Variants in N4BP1 observed in about 807,000 individuals in gnomAD.
N4BP1 encodes the protein NEDD4-binding protein 1.
N4BP1 carries 21 observed loss-of-function variants against 70.9 expected under a neutral mutation model. The observed-to-expected ratio is 0.30, with a 90% CI of 0.21 to 0.43. The LOEUF (loss-of-function observed/expected upper bound fraction) is 0.43, where lower values mean the gene tolerates loss of function less well. N4BP1 is among the 20% of genes least tolerant of loss of function. The probability of loss-of-function intolerance (pLI) is 1.00; values close to 1 mark genes in which losing one functional copy is unlikely to be tolerated. For synonymous variants in N4BP1, 387 were observed against 394.6 expected, an observed-to-expected ratio of 0.98 and a Z score of 0.23; for missense variants, 936 against 1,069.4, an observed-to-expected ratio of 0.88 and a Z score of 1.74.
chr16:48,589,055 T>TA (rs775436882), intron 1 of N4BP1, among the ~76,000 whole-genome samples: 43 of 152,222 alleles, frequency 2.8e-4, no homozygotes, highest in Non-Finnish European at 5.3e-4. Flanking sequence ...AATTACATTA[T>TA]AACTTGTAGA....
chr16:48,590,843 T>C (rs900899559), intron 1 of N4BP1, among the ~76,000 whole-genome samples: 1 of 152,186 alleles, frequency 6.6e-6, no homozygotes, highest in Non-Finnish European at 1.5e-5. Context: ...TCTGTCTTGG[T>C]TCGGCTCCTT....
At chr16:48,600,257 TA>T in intron 1 of N4BP1, 1 of 1,007,992 alleles carries the variant, frequency 9.9e-7, no homozygotes, top group Non-Finnish European at 1.5e-6. Flanking sequence ...TCAGATTTTG[TA>T]AATCTAAATG....
intron 4 of N4BP1, 88 bp downstream of exon 4, chr16:48,551,298 T>G: frequency 4.5e-6 from 4 of 884,790 alleles, no homozygotes; most frequent in Non-Finnish European, 7.4e-6. Flanking sequence ...AAGCAGGTCC[T>G]CTAAAAGTGT....
chr16:48,605,187 C>T (rs550318655), intron 1 of N4BP1, among the ~76,000 whole-genome samples: 1 of 152,208 alleles, frequency 6.6e-6, no homozygotes, highest in South Asian at 2.1e-4. Flanking sequence ...CATGCGCCAC[C>T]CCACCTGGCT....
intron 1 of N4BP1, among the ~76,000 whole-genome samples, chr16:48,572,724 A>C (rs968059518): frequency 7.2e-5 from 11 of 152,238 alleles, no homozygotes; most frequent in South Asian, 2.1e-4. Context: ...AGAGGATTTT[A>C]GAGTTGTTCT....
chr16:48,598,048 C>A (rs547744817), intron 1 of N4BP1, among the ~76,000 whole-genome samples: 7 of 152,284 alleles, frequency 4.6e-5, no homozygotes, highest in African/African-American at 1.7e-4. Flanking sequence ...CTACCCAACT[C>A]CCTCTATAAA....
chr16:48,581,835 T>G (rs748658518), intron 1 of N4BP1, among the ~76,000 whole-genome samples: 3 of 152,042 alleles, frequency 2.0e-5, no homozygotes, highest in Non-Finnish European at 2.9e-5. Context: ...AGGTTAAGAC[T>G]CCAAACTATG....
chr16:48,573,659 G>A (rs972972002), intron 1 of N4BP1, among the ~76,000 whole-genome samples: 4 of 151,960 alleles, frequency 2.6e-5, no homozygotes, highest in African/African-American at 9.7e-5. Context: ...ATACAGATAA[G>A]GGGTACCGAC....
chr16:48,598,973 T>C (rs894277139), intron 1 of N4BP1, among the ~76,000 whole-genome samples: 8 of 152,150 alleles, frequency 5.3e-5, no homozygotes, highest in Admixed American at 2.6e-4. Flanking sequence ...TTTACTTGAA[T>C]GTTTTATGGA....
At chr16:48,605,238 G>T (rs987483784) in intron 1 of N4BP1, among the ~76,000 whole-genome samples, 3 of 152,050 alleles carry the variant, frequency 2.0e-5, no homozygotes, top group African/African-American at 4.8e-5. Flanking sequence ...CTCCATGTTG[G>T]TGGGCTGGTC....
At chr16:48,585,139 G>A (rs1398701276) in intron 1 of N4BP1, among the ~76,000 whole-genome samples, 1 of 151,904 alleles carries the variant, frequency 6.6e-6, no homozygotes, top group African/African-American at 2.4e-5. Flanking sequence ...TCACCATGTT[G>A]GTCAGGCTGG....
chr16:48,594,019 C>CA lies in N4BP1; in HGVS notation c.198+15755dup, dbSNP rs77597704. On this transcript the variant is annotated intron_variant, in intron 1 of 6. Transcript: ENST00000262384. ...TCCGTCTCAAAAAAAAAAAAAAAAA[C>CA]AAAAAAAAAACCACCTAGCTTTAGC... Among the ~76,000 whole-genome samples, 720 of 95,080 alleles carry CA rather than the reference C, an allele frequency of 7.6e-3. 16 individuals are homozygous for CA. Among genetic ancestry groups the CA allele is most frequent in the African/African-American group, 0.03 (603 of 20,384 alleles). 62.4% of individuals were successfully genotyped at this position (95,080 alleles called of 152,430 possible).
chr16:48,610,050 G>A lies in N4BP1; in HGVS notation c.-78C>T, dbSNP rs1964661488. The A allele has an allele frequency of 2.3e-6, 2 of 880,218 alleles. No individual in the cohort carries two copies. The highest frequency in any genetic ancestry group is 1.0e-4 in the South Asian group (2 of 19,548). 54.5% of individuals were successfully genotyped at this position (880,218 alleles called of 1,614,324 possible). The stretch of plus-strand genomic sequence containing the variant: ...CTCAGCTTGCTGCCGCTGCTCCCAA[G>A]CCAGTCAGGCGGCGTCGGCCCTTCC... On this transcript the variant is annotated 5_prime_UTR_variant, in exon 1 of 7. Coordinates refer to ENST00000262384, the MANE Select transcript of N4BP1 (RefSeq NM_153029.4).
chr16:48,555,581 G>A (rs2151087651), intron 2 of N4BP1, among the ~76,000 whole-genome samples: 1 of 152,312 alleles, frequency 6.6e-6, no homozygotes, highest in East Asian at 1.9e-4. Flanking sequence ...TAATTCAGGA[G>A]TGCTTTGTTT....
At chr16:48,553,123 G>A (rs1413308485) in intron 3 of N4BP1, among the ~76,000 whole-genome samples, 1 of 152,160 alleles carries the variant, frequency 6.6e-6, no homozygotes, top group African/African-American at 2.4e-5. Context: ...GTCAGCCAGA[G>A]TACTTTATGG....
At position 48,561,136 on chromosome 16, in the gene N4BP1, C is replaced by T. The variant is rs1233857378; in HGVS notation, c.1507G>A (p.Glu503Lys). Residue 503 changes from glutamate to lysine, a missense_variant, in exon 2 of 7, where the codon GAA (glutamate) becomes AAA (lysine). Coordinates refer to ENST00000262384, the MANE Select transcript of N4BP1 (RefSeq NM_153029.4). ...SPSVASPSPKEVNFVSRGASS... is the reference protein window; with the variant it reads ...SPSVASPSPKKVNFVSRGASS... ...GCTCCCCTTGAAACAAAATTGACTTCTTTGGGACTTGGAGAGGCAACAGAA... is the reference window on the plus strand; with the variant it reads ...GCTCCCCTTGAAACAAAATTGACTTTTTTGGGACTTGGAGAGGCAACAGAA... 3 of 1,613,974 alleles carry T rather than the reference C, an allele frequency of 1.9e-6. No homozygotes were observed. The South Asian group carries it at 3.3e-5, about 18-fold the overall frequency.
rs76160650 is a variant in N4BP1, at chr16:48,576,900, T to G, written c.199-14456A>C. On this transcript the variant is annotated intron_variant, in intron 1 of 6. Transcript: ENST00000262384. ...ACTACCCCATTTCTGTCCTTTCATCTTCACACTTTTATTTTAGAGACAGGG... is the reference window on the plus strand; with the variant it reads ...ACTACCCCATTTCTGTCCTTTCATCGTCACACTTTTATTTTAGAGACAGGG... 7.9e-3 allele frequency among the ~76,000 whole-genome samples: 1,209 copies of G among 152,278 alleles called. 8 individuals carry two copies. The highest frequency in any genetic ancestry group is 0.013 in the Non-Finnish European group (908 of 68,016).
rs1431891102 is a variant in N4BP1, at chr16:48,610,101, C to T, written c.-129G>A. The T allele has an allele frequency of 3.0e-6, 1 of 335,066 alleles. No individual in the cohort carries two copies. Among genetic ancestry groups the T allele is most frequent in the Non-Finnish European group, 4.3e-6 (1 of 233,982 alleles). 20.8% of individuals were successfully genotyped at this position (335,066 alleles called of 1,614,324 possible). A position where few individuals can be genotyped will look rare whatever the true frequency, so the allele number is the denominator to read the frequency against. ...CGGCCGCCTCGCCCCCGCCCGCGCC[C>T]CGCCGCCCGCCCTCAGGCCCGGCTA... On this transcript the variant is annotated 5_prime_UTR_variant, in exon 1 of 7. Coordinates refer to ENST00000262384, the MANE Select transcript of N4BP1 (RefSeq NM_153029.4).
Position 48,561,936 on chromosome 16 carries a change from G to A in N4BP1, c.707C>T (p.Ala236Val), listed in dbSNP as rs564038072. The A allele has an allele frequency of 4.5e-5, 73 of 1,613,918 alleles. No homozygotes were observed. In the East Asian group the frequency reaches 1.6e-3, roughly 34 times the overall value. ...AACAGGAGTCCCAGCTTTATTTCTT[G>A]CCTCTTCCTGCAAAACAGTTTCATC... ...SRDETVLQEE[A>V]RNKAGTPVSE... Residue 236 changes from alanine to valine, a missense_variant, in exon 2 of 7, where the codon GCA (alanine) becomes GTA (valine). Physicochemically the swap from Ala to Val is moderately conservative, Grantham distance 64. This residue lies in a region of N4BP1 where 515 missense variants were observed against 491.7 expected (regional missense o/e 1.05). Transcript: ENST00000262384.
Sources: gnomAD v4.1 joint callset for allele counts (sites outside exome capture counted in the v4.1 genomes callset) on GRCh38, gnomAD v4.1.1 for gene constraint, gnomAD v4.1.1 regional missense constraint, MANE v1.5 for transcripts, NCBI Gene and HGNC (gene_info 2026-07-23, HGNC 2026-07-21) for gene names.